PLAAT2: variants seen among roughly 807,000 people sequenced by gnomAD.
PLAAT2 encodes phospholipase A and acyltransferase 2, also known as HRAS like suppressor 2.
PLAAT2 carries 12 observed loss-of-function variants against 12.8 expected under a neutral mutation model. The observed-to-expected ratio is 0.94, with a 90% confidence interval of 0.60 to 1.52. The LOEUF (loss-of-function observed/expected upper bound fraction) is 1.52. Ranked by LOEUF, PLAAT2 falls within the 40% of genes most tolerant of loss-of-function variation. The pLI, the probability that PLAAT2 is intolerant of heterozygous loss-of-function variation, is 0.00. For missense variants in PLAAT2, 166 were observed against 208.1 expected (o/e 0.80, Z 1.24); for synonymous variants, 79 against 86.8 (o/e 0.91, Z 0.50).
upstream of PLAAT2, chr11:63,563,522 T>G: frequency 1.7e-6 from 1 of 583,330 alleles, no homozygotes; most frequent in Non-Finnish European, 3.0e-6. Context: ...ATCGAGACCA[T>G]CCTGACTAAC....
intron 1 of PLAAT2, 33 bp from the exon 2 acceptor site, chr11:63,560,226 G>C: frequency 6.5e-7 from 1 of 1,530,238 alleles, no homozygotes; most frequent in Non-Finnish European, 9.0e-7. Flanking sequence ...AGGCAGAGGT[G>C]AGCCATCTGC....
At chr11:63,554,659 C>T (rs537296388) in intron 3 of PLAAT2, among the ~76,000 whole-genome samples, 14 of 148,518 alleles carry the variant, frequency 9.4e-5, no homozygotes, top group Admixed American at 3.3e-4. Flanking sequence ...AAAGAACTCA[C>T]GCAAAGCCAC....
intron 3 of PLAAT2, among the ~76,000 whole-genome samples, chr11:63,554,568 C>A (rs1336834815): frequency 6.7e-6 from 1 of 149,348 alleles, no homozygotes; most frequent in Non-Finnish European, 1.5e-5. Flanking sequence ...GCAGAGGTTG[C>A]AGTGAGCCAA....
rs1439799550 is a variant in PLAAT2 at position 63,563,185 on chromosome 11, C to A, written c.9+131G>T. 4 of 1,035,650 alleles carry A rather than the reference C, an allele frequency of 3.9e-6. No individual in the cohort carries two copies. In the East Asian group the frequency reaches 1.0e-4, roughly 26 times the overall value. 64.2% of individuals were successfully genotyped at this position (1,035,650 alleles called of 1,614,324 possible). A position where few individuals can be genotyped will look rare whatever the true frequency, so the allele number is the denominator to read the frequency against. On this transcript the variant is annotated intron_variant, in intron 1 of 3. Coordinates refer to ENST00000255695, the MANE Select transcript of PLAAT2 (RefSeq NM_017878.2). ...TCCCACAGTGTCTGAGAGAGCCAGA[C>A]CCCCAGAACTCAGCATGTGCCCATG...
rs150348732 is a variant in PLAAT2 at position 63,560,182 on chromosome 11, T to G, written c.21A>C (p.Arg7Ser). The change falls in exon 2 of 4, where the codon AGA becomes AGC. Residue 7 changes from arginine to serine, a missense_variant. By Grantham distance (110) the Arg-to-Ser change is moderately radical. Transcript: ENST00000255695. ...TCTCAATCAGGTCTCCAAGTCTCGG[T>G]CTTGGTCTGGCCTGCAACAGAAAAA... MALARPRPRLGDLIEIS... is the reference protein window; with the variant it reads MALARPSPRLGDLIEIS... The G allele has an allele frequency of 1.4e-5, 22 of 1,613,194 alleles. No homozygotes were observed. The African/African-American group carries it at 2.8e-4, about 21-fold the overall frequency.
At chr11:63,562,777 G>A (rs1300305904) in intron 1 of PLAAT2, among the ~76,000 whole-genome samples, 1 of 152,220 alleles carries the variant, frequency 6.6e-6, no homozygotes, top group African/African-American at 2.4e-5. Flanking sequence ...TCTAAAGGAA[G>A]AAGGAAACTA....
chr11:63,558,500 G>A lies in PLAAT2; in HGVS notation c.279C>T (p.Val93=). Residue 93 remains valine, a synonymous_variant, in exon 3 of 4, where the codon GTC becomes GTT. Transcript: ENST00000255695. ...GCCCCACCAACTCCTCTGCCCGCTT[G>A]ACGATTTTGTTGGAAGGCAGTGGTG... The part of the protein sequence containing the change: ...RYTPLPSNKI[V]KRAEELVGQE... 6.2e-7 allele frequency: 1 copy of A among 1,614,248 alleles called. No homozygotes were observed. The highest frequency in any genetic ancestry group is 8.5e-7 in the Non-Finnish European group (1 of 1,180,050).
chr11:63,560,658 G>A (rs1486439546), intron 1 of PLAAT2, among the ~76,000 whole-genome samples: 1 of 152,198 alleles, frequency 6.6e-6, no homozygotes, highest in Non-Finnish European at 1.5e-5. Flanking sequence ...GAGGCAGGCG[G>A]ACACTTGACC....
intron 3 of PLAAT2, among the ~76,000 whole-genome samples, chr11:63,555,864 A>G (rs891579802): frequency 2.0e-5 from 3 of 152,226 alleles, no homozygotes; most frequent in Admixed American, 6.5e-5. Context: ...GACTGTATCT[A>G]TGTTTCAAAG....
chr11:63,563,578 G>A (rs2017537694), upstream of PLAAT2, among the ~76,000 whole-genome samples: 1 of 149,122 alleles, frequency 6.7e-6, no homozygotes, highest in Non-Finnish European at 1.5e-5. Context: ...AATTAGCTGG[G>A]CATGGTGGTG....
intron 3 of PLAAT2, among the ~76,000 whole-genome samples, chr11:63,553,464 A>T (rs1351688900): frequency 6.9e-6 from 1 of 145,358 alleles, no homozygotes; most frequent in Non-Finnish European, 1.5e-5. Flanking sequence ...ACATGGTGAG[A>T]CCCCCATCTC....
At chr11:63,563,770 C>T (rs1240705099), upstream of PLAAT2, among the ~76,000 whole-genome samples, 1 of 149,172 alleles carries the variant, frequency 6.7e-6, no homozygotes. Flanking sequence ...GTAAAATTTT[C>T]CCTGTCTTCA....
intron 1 of PLAAT2, among the ~76,000 whole-genome samples, 176 bp from the exon 2 acceptor site, chr11:63,560,369 C>T (rs1163441205): frequency 6.6e-6 from 1 of 152,196 alleles, no homozygotes; most frequent in African/African-American, 2.4e-5. Flanking sequence ...TTTACTGGGG[C>T]TGCAGGACTG....
intron 3 of PLAAT2, among the ~76,000 whole-genome samples, chr11:63,554,036 C>A (rs183411164): frequency 7.9e-5 from 12 of 152,188 alleles, no homozygotes; most frequent in African/African-American, 2.4e-4. Context: ...GGCCGACCCC[C>A]GAGGGTTGGT....
At position 63,563,308 on chromosome 11, in the gene PLAAT2, G is replaced by T; in HGVS notation, c.9+8C>A. ...ATCAAAGCTTTAAAACCGTTTCTGG[G>T]GACTTACCAAAGCCATCCTTCCTTC... On this transcript the variant is annotated splice_region_variant and intron_variant, in intron 1 of 3. Coordinates refer to ENST00000255695, the MANE Select transcript of PLAAT2 (RefSeq NM_017878.2). 1.2e-6 allele frequency: 2 copies of T among 1,614,074 alleles called. No homozygotes were observed. The highest frequency in any genetic ancestry group is 1.7e-6 in the Non-Finnish European group (2 of 1,179,994).
intron 1 of PLAAT2, among the ~76,000 whole-genome samples, chr11:63,561,569 C>A (rs373462252): frequency 6.8e-6 from 1 of 146,456 alleles, no homozygotes; most frequent in Non-Finnish European, 1.5e-5. Flanking sequence ...TGCTTGAACC[C>A]GGGAGGCAGG....
chr11:63,564,116 T>G (rs2017543611), upstream of PLAAT2, among the ~76,000 whole-genome samples: 1 of 152,144 alleles, frequency 6.6e-6, no homozygotes, highest in Non-Finnish European at 1.5e-5. Flanking sequence ...AAAAATCGTA[T>G]TATTGGAGGC....
At chr11:63,556,529 A>G (rs1408645868) in intron 3 of PLAAT2, among the ~76,000 whole-genome samples, 2 of 152,104 alleles carry the variant, frequency 1.3e-5, no homozygotes, top group Middle Eastern at 3.2e-3. Flanking sequence ...CCTCAGCTCA[A>G]CAGAGGGGAG....
chr11:63,564,820 T>TC (rs533954779), upstream of PLAAT2, among the ~76,000 whole-genome samples: 166 of 152,144 alleles, frequency 1.1e-3, no homozygotes, highest in Non-Finnish European at 1.9e-3. Context: ...ATGCCTGCCC[T>TC]CCCCTTGCAA....
Sources: allele counts gnomAD v4.1 joint callset (sites outside exome capture counted in the v4.1 genomes callset), GRCh38; gene constraint gnomAD v4.1.1; transcripts MANE v1.5; gene names NCBI Gene and HGNC (gene_info 2026-07-23, HGNC 2026-07-21).